Variants in RAPGEF4 observed in about 807,000 individuals in gnomAD.
RAPGEF4 encodes the protein RAP guanine-nucleotide-exchange factor (GEF) 4.
A neutral mutation model predicts 147.9 loss-of-function variants in RAPGEF4; 66 were observed. The ratio of observed to expected loss-of-function variants is 0.45; its 90% CI spans 0.37 to 0.55. The LOEUF (loss-of-function observed/expected upper bound fraction) is 0.55, where lower values mean the gene tolerates loss of function less well. RAPGEF4 is among the 20% of genes least tolerant of loss of function. The pLI is 0.00. For missense variants in RAPGEF4, 1,071 were observed against 1,257.3 expected (o/e 0.85, Z 2.24); for synonymous variants, 419 against 442.7 (o/e 0.95, Z 0.67).
At chr2:172,937,037 C>CAAAAAAAA (rs34104170) in intron 6 of RAPGEF4, among the ~76,000 whole-genome samples, 3 of 52,596 alleles carry the variant, frequency 5.7e-5, no homozygotes, top group African/African-American at 8.1e-5. Flanking sequence ...CCTCTCTCTG[C>CAAAAAAAA]AAAAAAAAAA....
At chr2:172,829,135 G>A (rs1163322504) in intron 4 of RAPGEF4, among the ~76,000 whole-genome samples, 3 of 152,216 alleles carry the variant, frequency 2.0e-5, no homozygotes, top group Admixed American at 6.5e-5. Flanking sequence ...GCAAGAGGCC[G>A]TATGTTGCTT....
intron 5 of RAPGEF4, among the ~76,000 whole-genome samples, chr2:172,918,247 CT>C (rs11332643): frequency 0.6 from 52,902 of 87,554 alleles, 15,487 homozygotes; most frequent in East Asian, 0.75. Context: ...CCACCTCTTG[CT>C]TTTTTTTTTT....
At chr2:172,750,358 C>T (rs186584231) in intron 1 of RAPGEF4, among the ~76,000 whole-genome samples, 24 of 152,098 alleles carry the variant, frequency 1.6e-4, no homozygotes, top group African/African-American at 4.3e-4. Context: ...GTGAAAGGCA[C>T]CTCTTATATT....
intron 6 of RAPGEF4, among the ~76,000 whole-genome samples, chr2:172,939,581 T>C (rs759979931): frequency 3.9e-5 from 6 of 152,198 alleles, no homozygotes; most frequent in Non-Finnish European, 5.9e-5. Context: ...GGTTTTGCTT[T>C]TCATCTTAAC....
intron 6 of RAPGEF4, among the ~76,000 whole-genome samples, chr2:172,928,620 T>C (rs1190509513): frequency 1.3e-5 from 2 of 152,194 alleles, no homozygotes; most frequent in Admixed American, 1.3e-4. Flanking sequence ...TAATATTCTA[T>C]GTTTGGTTTC....
rs955760640 is a variant in RAPGEF4 at position 173,022,530 on chromosome 2, G to A, written c.2253+1815G>A. ...GAGGACAGCCCATCGAGGAGGAGTC[G>A]CACAGAGGATGACCCTGCAGTAGAG... On this transcript the variant is annotated intron_variant, in intron 23 of 30. Coordinates refer to ENST00000397081, the MANE Select transcript of RAPGEF4 (RefSeq NM_007023.4). Among the ~76,000 whole-genome samples, 26 of 152,254 alleles carry A rather than the reference G, an allele frequency of 1.7e-4. 1 individual carries two copies. The highest frequency in any genetic ancestry group is 8.5e-4 in the Admixed American group (13 of 15,294).
intron 4 of RAPGEF4, among the ~76,000 whole-genome samples, chr2:172,857,837 C>T (rs930854686): frequency 7.5e-5 from 10 of 132,660 alleles, no homozygotes; most frequent in Non-Finnish European, 1.3e-4. Context: ...GAGCCATGAC[C>T]TACGGCTGTA....
chr2:173,023,515 C>A (rs1696321241), intron 23 of RAPGEF4, among the ~76,000 whole-genome samples: 1 of 152,164 alleles, frequency 6.6e-6, no homozygotes, highest in African/African-American at 2.4e-5. Flanking sequence ...GGAGAAGCAC[C>A]TTTTGCTGCT....
At chr2:172,894,560 T>C (rs533665179) in intron 4 of RAPGEF4, among the ~76,000 whole-genome samples, 45 of 152,256 alleles carry the variant, frequency 3.0e-4, no homozygotes, top group Middle Eastern at 3.4e-3. Context: ...TTGTGAAAAA[T>C]GAAGATTTAT....
intron 4 of RAPGEF4, 27 bp from the exon 5 acceptor site, chr2:172,917,775 T>C: frequency 6.4e-7 from 1 of 1,566,592 alleles, no homozygotes; most frequent in Non-Finnish European, 8.8e-7. Context: ...AATATCTGTG[T>C]GTTGAGTTTA....
intron 6 of RAPGEF4, among the ~76,000 whole-genome samples, chr2:172,933,585 C>A (rs1321381219): frequency 6.6e-6 from 1 of 152,074 alleles, no homozygotes; most frequent in Non-Finnish European, 1.5e-5. Flanking sequence ...GGGATTTGCA[C>A]TGAGTAGGAC....
chr2:172,908,163 G>A (rs927022654), intron 4 of RAPGEF4, among the ~76,000 whole-genome samples: 2 of 152,198 alleles, frequency 1.3e-5, no homozygotes, highest in African/African-American at 4.8e-5. Context: ...GTAGCCAGCA[G>A]CCAGATCAGA....
intron 4 of RAPGEF4, among the ~76,000 whole-genome samples, chr2:172,839,902 T>C (rs1188317730): frequency 6.6e-6 from 1 of 152,220 alleles, no homozygotes; most frequent in Non-Finnish European, 1.5e-5. Context: ...GTAAGTCATA[T>C]GCATATGAAA....
At chr2:172,991,258 A>G (rs1692806713) in intron 15 of RAPGEF4, among the ~76,000 whole-genome samples, 1 of 152,218 alleles carries the variant, frequency 6.6e-6, no homozygotes, top group South Asian at 2.1e-4. Context: ...CTCAAAGGAT[A>G]TGAAGGCCCC....
intron 23 of RAPGEF4, among the ~76,000 whole-genome samples, 169 bp from the exon 24 acceptor site, chr2:173,026,403 A>G (rs1185431549): frequency 2.6e-5 from 4 of 152,202 alleles, no homozygotes; most frequent in East Asian, 1.9e-4. Context: ...TACAGACGAC[A>G]CTAAAGCAAC....
At chr2:172,765,715 C>T (rs1227286758) in intron 1 of RAPGEF4, among the ~76,000 whole-genome samples, 2 of 152,220 alleles carry the variant, frequency 1.3e-5, no homozygotes, top group African/African-American at 4.8e-5. Flanking sequence ...GATATGGGTA[C>T]ATCCAGCAAA....
chr2:172,801,992 A>G (rs1196467806), intron 3 of RAPGEF4, among the ~76,000 whole-genome samples: 1 of 152,172 alleles, frequency 6.6e-6, no homozygotes, highest in Non-Finnish European at 1.5e-5. Flanking sequence ...CATCTGGATT[A>G]GAGGGTGGGG....
intron 4 of RAPGEF4, among the ~76,000 whole-genome samples, chr2:172,915,288 A>C (rs1200368523): frequency 6.6e-6 from 1 of 152,238 alleles, no homozygotes; most frequent in Non-Finnish European, 1.5e-5. Context: ...TTTGACCATC[A>C]ACTGGATATT....
chr2:172,773,990 G>A (rs1235029558), intron 1 of RAPGEF4, among the ~76,000 whole-genome samples: 2 of 152,066 alleles, frequency 1.3e-5, no homozygotes, highest in Non-Finnish European at 2.9e-5. Flanking sequence ...GAATACTTTC[G>A]AGAGTGAATG....
Sources: allele counts gnomAD v4.1 joint callset (sites outside exome capture counted in the v4.1 genomes callset), GRCh38; gene constraint gnomAD v4.1.1; transcripts MANE v1.5; gene names NCBI Gene and HGNC (gene_info 2026-07-23, HGNC 2026-07-21).